The following HIBCH variants were observed in gnomAD, a reference collection of about 807,000 sequenced individuals.
The protein encoded by HIBCH is 3-hydroxyisobutyryl-CoA hydrolase, mitochondrial.
Under a neutral mutation model 58.2 loss-of-function variants are expected in HIBCH, and 50 were observed. The ratio of observed to expected loss-of-function variants is 0.86; its 90% CI spans 0.68 to 1.09. The LOEUF (loss-of-function observed/expected upper bound fraction) is 1.09. HIBCH is among the 50% of genes least tolerant of loss of function. HIBCH has a pLI of 0.00. For synonymous variants in HIBCH, 151 were observed against 146.9 expected (o/e 1.03, Z -0.20); for missense variants, 450 against 449.7 (o/e 1.00, Z -0.01).
At chr2:190,192,452 C>CTGTGTGTG (rs147936734) in intron 1 of HIBCH, among the ~76,000 whole-genome samples, 1,904 of 145,326 alleles carry the variant, frequency 0.013, 29 homozygotes, top group African/African-American at 0.026. Flanking sequence ...AATTCAGAAT[C>CTGTGTGTG]TGTGTGTGTG....
chr2:190,244,091 T>C (rs1374406264), intron 11 of HIBCH, among the ~76,000 whole-genome samples: 3 of 152,154 alleles, frequency 2.0e-5, no homozygotes. Flanking sequence ...TGATTACATC[T>C]ATAAATAGAA....
intron 2 of HIBCH, among the ~76,000 whole-genome samples, chr2:190,309,717 G>A (rs1436156401): frequency 2.0e-5 from 3 of 151,850 alleles, no homozygotes; most frequent in Non-Finnish European, 4.4e-5. Context: ...CACCATGTCC[G>A]GCTAATTTTT....
chr2:190,291,169 T>C (rs960022132), intron 4 of HIBCH, among the ~76,000 whole-genome samples: 3 of 152,232 alleles, frequency 2.0e-5, no homozygotes, highest in African/African-American at 4.8e-5. Context: ...ACGTATCCCA[T>C]GTCCTTAAAT....
At chr2:190,259,396 T>C (rs192318944) in intron 7 of HIBCH, among the ~76,000 whole-genome samples, 13 of 148,664 alleles carry the variant, frequency 8.7e-5, no homozygotes, top group East Asian at 2.0e-4. Context: ...TCTGGCTCTA[T>C]TGCCCAGGCT....
chr2:190,237,031 C>T (rs139727029), intron 11 of HIBCH, among the ~76,000 whole-genome samples: 16 of 152,270 alleles, frequency 1.1e-4, no homozygotes, highest in Admixed American at 9.8e-4. Flanking sequence ...ATAATGGGTA[C>T]ATTCAGCAAA....
At chr2:190,317,246 C>A (rs1387848800) in intron 1 of HIBCH, among the ~76,000 whole-genome samples, 1 of 152,210 alleles carries the variant, frequency 6.6e-6, no homozygotes, top group Non-Finnish European at 1.5e-5. Flanking sequence ...CTCTCCCTAT[C>A]TAAATCTGGC....
chr2:190,223,243 C>T (rs1685778692), intron 11 of HIBCH, among the ~76,000 whole-genome samples: 1 of 152,148 alleles, frequency 6.6e-6, no homozygotes, highest in African/African-American at 2.4e-5. Flanking sequence ...ACGTTCCGCA[C>T]ATGTAACCCA....
chr2:190,208,785 G>A (rs1200771449), intron 13 of HIBCH, 95 bp downstream of exon 13: 2 of 1,086,822 alleles, frequency 1.8e-6, no homozygotes. Flanking sequence ...TTGGATTTTA[G>A]GATTTGGGAT....
At chr2:190,255,421 C>G (rs1402680933) in intron 7 of HIBCH, among the ~76,000 whole-genome samples, 1 of 152,210 alleles carries the variant, frequency 6.6e-6, no homozygotes, top group Non-Finnish European at 1.5e-5. Context: ...GACAACTCCT[C>G]TGAGAGCATC....
At chr2:190,317,272 T>C (rs370309974) in intron 1 of HIBCH, among the ~76,000 whole-genome samples, 1 of 152,318 alleles carries the variant, frequency 6.6e-6, no homozygotes, top group African/African-American at 2.4e-5. Flanking sequence ...TAACTGTACT[T>C]GTCCCTTAAG....
chr2:190,297,595 C>T (rs1688137168), intron 2 of HIBCH, among the ~76,000 whole-genome samples: 1 of 152,198 alleles, frequency 6.6e-6, no homozygotes, highest in Admixed American at 6.5e-5. Context: ...TTCCTGTATA[C>T]TGACTTAAAG....
intron 7 of HIBCH, among the ~76,000 whole-genome samples, chr2:190,255,848 A>AGT (rs374897608): frequency 1.5e-3 from 232 of 151,058 alleles, no homozygotes; most frequent in South Asian, 6.9e-3. Flanking sequence ...AGAGAGAGAG[A>AGT]GTGTGTGTGT....
chr2:190,293,762 C>A (rs1461109236), intron 4 of HIBCH, among the ~76,000 whole-genome samples: 1 of 151,446 alleles, frequency 6.6e-6, no homozygotes, highest in Non-Finnish European at 1.5e-5. Context: ...CTACCAAATC[C>A]ACAAGAAACA....
At chr2:190,313,506 T>G (rs575303394) in intron 1 of HIBCH, among the ~76,000 whole-genome samples, 5 of 152,130 alleles carry the variant, frequency 3.3e-5, no homozygotes, top group African/African-American at 1.2e-4. Context: ...GCCTTGCTGA[T>G]AAATCTTTTG....
intron 11 of HIBCH, among the ~76,000 whole-genome samples, chr2:190,229,035 G>C (rs1467250667): frequency 6.6e-6 from 1 of 152,100 alleles, no homozygotes; most frequent in Non-Finnish European, 1.5e-5. Flanking sequence ...TATTGCCTTT[G>C]CCACTCCCTT....
rs1248594219 is a variant in HIBCH, at chr2:190,281,945, A to T, written c.438+5641T>A. ...CTCCAATATCTTGTTCCTCATTTTC[A>T]TCCGGGTCCTCATCAAAATGGCCAT... On this transcript the variant is annotated intron_variant, in intron 6 of 13. Transcript: ENST00000359678. This position sits in a 1 kb window ranked among gnomAD's most constrained non-coding sequence, Gnocchi z 5.4. Among the ~76,000 whole-genome samples, 1 of 152,070 alleles carries T rather than the reference A, an allele frequency of 6.6e-6. No homozygotes were observed.
chr2:190,282,652 T>C (rs930685154), intron 6 of HIBCH, among the ~76,000 whole-genome samples: 1 of 152,062 alleles, frequency 6.6e-6, no homozygotes, highest in Admixed American at 6.5e-5. Flanking sequence ...CAGAAGTTTG[T>C]AAATCAGACA....
chr2:190,246,142 CTT>C lies in HIBCH; in HGVS notation c.809+10_809+11del, dbSNP rs983307872. The C allele has an allele frequency of 2.7e-6, 4 of 1,488,180 alleles. No homozygotes were observed. The highest frequency in any genetic ancestry group is 2.8e-6 in the Non-Finnish European group (3 of 1,066,578). The allele number at this position is 1,488,180 out of a possible 1,614,324, so 92.2% of individuals were successfully genotyped here. A position where few individuals can be genotyped will look rare whatever the true frequency, so the allele number is the denominator to read the frequency against. ...CTAAAGGAATATATAACTGAGATCT[CTT>C]TTTAGGTACCTGTTTATTTTGTCCA... is the stretch of plus-strand genomic sequence containing the variant. On this transcript the variant is annotated intron_variant, in intron 10 of 13. Coordinates refer to ENST00000359678, the MANE Select transcript of HIBCH (RefSeq NM_014362.4).
chr2:190,232,767 G>A (rs1277425603), intron 11 of HIBCH, among the ~76,000 whole-genome samples: 1 of 152,086 alleles, frequency 6.6e-6, no homozygotes, highest in Non-Finnish European at 1.5e-5. Flanking sequence ...GACCACCCTG[G>A]CTAACATGGT....
Sources: gnomAD v4.1 joint callset for allele counts (sites outside exome capture counted in the v4.1 genomes callset) on GRCh38, gnomAD v4.1.1 for gene constraint, Gnocchi (gnomAD v3.1) non-coding constraint, MANE v1.5 for transcripts, NCBI Gene and HGNC (gene_info 2026-07-23, HGNC 2026-07-21) for gene names.